NOVA1: variants seen among roughly 807,000 people sequenced by gnomAD.
NOVA1 encodes the protein NOVA alternative splicing regulator 1, also known as RNA-binding protein Nova-1.
Under a neutral mutation model 38.0 loss-of-function variants are expected in NOVA1, and 7 were observed. The observed-to-expected ratio is 0.18, with a 90% CI of 0.10 to 0.35. The LOEUF (loss-of-function observed/expected upper bound fraction) is 0.35, where lower values mean the gene tolerates loss of function less well. Ranked by LOEUF, NOVA1 falls within the 10% of genes least tolerant of loss-of-function variation. The probability of loss-of-function intolerance (pLI) is 1.00; values close to 1 mark genes in which losing one functional copy is unlikely to be tolerated. For missense variants in NOVA1, 460 were observed against 616.0 expected (o/e 0.75, Z 2.68); for synonymous variants, 270 against 232.5 (o/e 1.16, Z -1.47).
chr14:26,481,142 C>T (rs1885421677), intron 2 of NOVA1, among the ~76,000 whole-genome samples: 1 of 152,048 alleles, frequency 6.6e-6, no homozygotes, highest in South Asian at 2.1e-4. Context: ...CAACATAACA[C>T]ATGAACTTGC....
At chr14:26,545,755 T>C (rs1007754384) in intron 2 of NOVA1, among the ~76,000 whole-genome samples, 4 of 152,156 alleles carry the variant, frequency 2.6e-5, no homozygotes, top group African/African-American at 4.8e-5. Context: ...ACTTGATTAA[T>C]AGCTACAAAG....
At chr14:26,505,451 T>C (rs975540425) in intron 2 of NOVA1, among the ~76,000 whole-genome samples, 2 of 152,086 alleles carry the variant, frequency 1.3e-5, no homozygotes, top group Admixed American at 6.6e-5. Flanking sequence ...CTTGCTTCCC[T>C]TTAGCCTCCC....
rs1206077345 is a variant in NOVA1, at chr14:26,448,639, C to T, written c.844G>A (p.Ala282Thr). ...YANTAEVLPT[A>T]AAAAGLLGHA... Reference sequence around the variant, plus strand: ...CCTAATAGCCCTGCAGCTGCTGCAGCAGTTGGTAACACTTCAGCAGTGTTT... The same window carrying T: ...CCTAATAGCCCTGCAGCTGCTGCAGTAGTTGGTAACACTTCAGCAGTGTTT... The change falls in exon 5 of 5, where the codon GCT becomes ACT. Residue 282 changes from alanine to threonine, a missense_variant. Ala to Thr is a moderately conservative substitution (Grantham distance 58). Transcript: ENST00000539517. The surrounding 1 kb of genome is among the most constrained non-coding windows in gnomAD (Gnocchi z 5.3). The T allele has an allele frequency of 6.2e-7, 1 of 1,614,230 alleles. No homozygotes were observed. Among genetic ancestry groups the T allele is most frequent in the South Asian group, 1.1e-5 (1 of 91,084 alleles).
chr14:26,511,558 C>T (rs1274482555), intron 2 of NOVA1, among the ~76,000 whole-genome samples: 1 of 151,864 alleles, frequency 6.6e-6, no homozygotes, highest in Non-Finnish European at 1.5e-5. Context: ...ACAAGGTCAT[C>T]CTGGCCAACA....
chr14:26,552,522 C>A (rs1257277110), intron 2 of NOVA1, among the ~76,000 whole-genome samples: 2 of 151,988 alleles, frequency 1.3e-5, no homozygotes, highest in Non-Finnish European at 2.9e-5. Context: ...TAGGATAAGT[C>A]AAATATATTT....
chr14:26,587,980 A>G (rs1037081330), intron 2 of NOVA1, among the ~76,000 whole-genome samples: 1 of 151,182 alleles, frequency 6.6e-6, no homozygotes, highest in Admixed American at 6.6e-5. Context: ...GATTTTTTAG[A>G]ACTAAGTAAA....
chr14:26,562,754 T>C (rs561482682), intron 2 of NOVA1, among the ~76,000 whole-genome samples: 3 of 152,256 alleles, frequency 2.0e-5, no homozygotes, highest in East Asian at 3.9e-4. Context: ...AAAATCTATA[T>C]ACAGAACATT....
chr14:26,548,096 T>C (rs1890912287), intron 2 of NOVA1, among the ~76,000 whole-genome samples: 1 of 151,880 alleles, frequency 6.6e-6, no homozygotes. Context: ...GATAGATAAT[T>C]AAAAATCTTT....
At chr14:26,526,749 G>A (rs913828044) in intron 2 of NOVA1, among the ~76,000 whole-genome samples, 4 of 152,016 alleles carry the variant, frequency 2.6e-5, no homozygotes, top group African/African-American at 7.2e-5. Context: ...ACAATTTGTC[G>A]TTATTTTTCA....
chr14:26,573,159 A>T (rs1357981569), intron 2 of NOVA1, among the ~76,000 whole-genome samples: 22 of 152,188 alleles, frequency 1.4e-4, no homozygotes, highest in Non-Finnish European at 1.5e-5. Context: ...GAGAAACTGG[A>T]TCATACAATG....
chr14:26,459,171 C>A (rs1168821423), intron 4 of NOVA1, among the ~76,000 whole-genome samples: 2 of 151,958 alleles, frequency 1.3e-5, no homozygotes, highest in Non-Finnish European at 2.9e-5. Context: ...ATGGTTAGTT[C>A]CCTATACAGG....
chr14:26,448,791 C>A lies in NOVA1; in HGVS notation c.692G>T (p.Arg231Leu), dbSNP rs746081105. ...VTVSGEPEQN[R>L]KAVELIIQKI... ...CTGGATGATAAGTTCAACAGCTTTT[C>A]GGTTTTGTTCAGGTTCTCCACTCAC... is the stretch of plus-strand genomic sequence containing the variant. Residue 231 changes from arginine (R) to leucine (L), a missense_variant, in exon 5 of 5, where the codon CGA becomes CTA. Physicochemically the swap from Arg to Leu is moderately radical, Grantham distance 102. Coordinates refer to ENST00000539517, the MANE Select transcript of NOVA1 (RefSeq NM_002515.3). The surrounding 1 kb of genome is among the most constrained non-coding windows in gnomAD (Gnocchi z 5.3). 1 of 1,614,102 alleles carries A rather than the reference C, an allele frequency of 6.2e-7. No individual in the cohort carries two copies. Among genetic ancestry groups the A allele is most frequent in the Non-Finnish European group, 8.5e-7 (1 of 1,180,018 alleles).
At chr14:26,465,095 C>T (rs1884005350) in intron 4 of NOVA1, among the ~76,000 whole-genome samples, 1 of 152,176 alleles carries the variant, frequency 6.6e-6, no homozygotes, top group African/African-American at 2.4e-5. Context: ...CTAGGACCTT[C>T]TTATATATTT....
chr14:26,546,694 G>A (rs1890807764), intron 2 of NOVA1, among the ~76,000 whole-genome samples: 1 of 152,128 alleles, frequency 6.6e-6, no homozygotes, highest in Non-Finnish European at 1.5e-5. Context: ...AGAGGTCTAA[G>A]TATTTATCAT....
At chr14:26,559,968 G>A (rs572486875) in intron 2 of NOVA1, among the ~76,000 whole-genome samples, 1 of 151,792 alleles carries the variant, frequency 6.6e-6, no homozygotes, top group Admixed American at 6.6e-5. Flanking sequence ...TTAAATTATT[G>A]TAATATATTA....
At chr14:26,546,735 C>T (rs1372922608) in intron 2 of NOVA1, among the ~76,000 whole-genome samples, 1 of 152,066 alleles carries the variant, frequency 6.6e-6, no homozygotes, top group Non-Finnish European at 1.5e-5. Context: ...ATTCATATAA[C>T]TTGGCCGGGT....
At chr14:26,548,330 T>C (rs1279752559) in intron 2 of NOVA1, among the ~76,000 whole-genome samples, 1 of 152,006 alleles carries the variant, frequency 6.6e-6, no homozygotes, top group Non-Finnish European at 1.5e-5. Context: ...AAACAAACTG[T>C]AGAATGAAGT....
chr14:26,531,206 T>C (rs1455181914), intron 2 of NOVA1, among the ~76,000 whole-genome samples: 1 of 152,228 alleles, frequency 6.6e-6, no homozygotes, highest in South Asian at 2.1e-4. Flanking sequence ...ATAGCAATTT[T>C]AGATTTCCCT....
chr14:26,542,969 C>T (rs1890562259), intron 2 of NOVA1, among the ~76,000 whole-genome samples: 1 of 151,618 alleles, frequency 6.6e-6, no homozygotes, highest in Admixed American at 6.6e-5. Flanking sequence ...ATAAATTTGC[C>T]TAAGAATAAA....
Sources: allele counts gnomAD v4.1 joint callset (sites outside exome capture counted in the v4.1 genomes callset), GRCh38; gene constraint gnomAD v4.1.1; non-coding constraint Gnocchi (gnomAD v3.1); transcripts MANE v1.5; gene names NCBI Gene and HGNC (gene_info 2026-07-23, HGNC 2026-07-21).